TSPAN18: variants seen among roughly 807,000 people sequenced by gnomAD.
TSPAN18 encodes tetraspanin-18.
A neutral mutation model predicts 27.3 loss-of-function variants in TSPAN18; 14 were observed. The observed-to-expected ratio is 0.51, with a 90% CI of 0.34 to 0.80. The LOEUF (loss-of-function observed/expected upper bound fraction) is 0.80. Among genes scored for constraint, TSPAN18 ranks in the 30% least tolerant of loss-of-function variants. TSPAN18 has a pLI of 0.01. For synonymous variants in TSPAN18, 143 were observed against 136.5 expected, an observed-to-expected ratio of 1.05 and a Z score of -0.33; for missense variants, 268 against 323.9, an observed-to-expected ratio of 0.83 and a Z score of 1.32.
chr11:44,771,715 C>A (rs1335919664), intron 2 of TSPAN18, among the ~76,000 whole-genome samples: 1 of 152,130 alleles, frequency 6.6e-6, no homozygotes, highest in Non-Finnish European at 1.5e-5. Flanking sequence ...CAAAAACTTC[C>A]CAATACAGTG....
intron 3 of TSPAN18, among the ~76,000 whole-genome samples, chr11:44,866,805 C>T (rs1007304900): frequency 1.3e-5 from 2 of 152,226 alleles, no homozygotes; most frequent in Non-Finnish European, 2.9e-5. Context: ...TTCCTAGACC[C>T]AGCCATTTTC....
intron 2 of TSPAN18, among the ~76,000 whole-genome samples, chr11:44,805,201 G>A (rs1856566668): frequency 6.6e-6 from 1 of 152,166 alleles, no homozygotes; most frequent in Admixed American, 6.5e-5. Flanking sequence ...TCAATGCCTG[G>A]GTGAGTCTCC....
chr11:44,857,455 T>C (rs1242972730), intron 2 of TSPAN18, among the ~76,000 whole-genome samples: 5 of 152,178 alleles, frequency 3.3e-5, no homozygotes, highest in African/African-American at 1.2e-4. Context: ...CTCACTGGCT[T>C]CCCTACCTGC....
chr11:44,926,281 C>T (rs899278019), intron 8 of TSPAN18: 1 of 183,144 alleles, frequency 5.5e-6, no homozygotes, highest in Admixed American at 5.9e-5. Flanking sequence ...CACCTGTTGG[C>T]ACCCGAAGGC....
At position 44,931,029 on chromosome 11, in the gene TSPAN18, C is replaced by A. The variant is rs1424886785; in HGVS notation, c.*1851C>A. ...TGAGATGCAGCCAGAAGCTCTGTGC[C>A]TGCTGCAAAGATTCAGGTGGACCCT... On this transcript the variant is annotated 3_prime_UTR_variant, in exon 10 of 10. Coordinates refer to ENST00000520358, the MANE Select transcript of TSPAN18 (RefSeq NM_130783.5). 4 of 456,158 alleles carry A rather than the reference C, an allele frequency of 8.8e-6. No individual in the cohort carries two copies. Among genetic ancestry groups the A allele is most frequent in the Admixed American group, 7.1e-5 (3 of 42,298 alleles). 28.3% of individuals were successfully genotyped at this position (456,158 alleles called of 1,614,324 possible).
intron 2 of TSPAN18, among the ~76,000 whole-genome samples, chr11:44,851,613 C>CA (rs1554991744): frequency 2.1e-4 from 22 of 102,580 alleles, no homozygotes. Flanking sequence ...ACTCTTGTCA[C>CA]CTCCCCCCCC....
At chr11:44,733,313 A>G (rs1267984369) in intron 1 of TSPAN18, among the ~76,000 whole-genome samples, 2 of 152,182 alleles carry the variant, frequency 1.3e-5, no homozygotes, top group East Asian at 3.9e-4. Flanking sequence ...TTCCCTAATA[A>G]TCCCCGATGT....
At chr11:44,753,770 T>C (rs778773799) in intron 1 of TSPAN18, among the ~76,000 whole-genome samples, 4 of 152,212 alleles carry the variant, frequency 2.6e-5, no homozygotes, top group African/African-American at 7.2e-5. Context: ...AAGGATGAGC[T>C]GTGCTGTTAG....
Position 44,799,862 on chromosome 11 carries a change from G to C in TSPAN18, c.-153+35350G>C, listed in dbSNP as rs1264414657. Among the ~76,000 whole-genome samples the C allele has an allele frequency of 5.9e-5, 9 of 152,062 alleles. 1 individual carries two copies. The highest frequency in any genetic ancestry group is 2.2e-4 in the African/African-American group (9 of 41,394). On this transcript the variant is annotated intron_variant, in intron 2 of 9. Transcript: ENST00000520358. ...TATTTATTTATTGAGACGGAGTCTCGTTCTGTCACCCAGTCTGGAGTGCAG... is the reference window on the plus strand; with the variant it reads ...TATTTATTTATTGAGACGGAGTCTCCTTCTGTCACCCAGTCTGGAGTGCAG...
chr11:44,843,984 G>A (rs1857429384), intron 2 of TSPAN18, among the ~76,000 whole-genome samples: 1 of 152,194 alleles, frequency 6.6e-6, no homozygotes, highest in Non-Finnish European at 1.5e-5. Flanking sequence ...TCAGCTGACA[G>A]GATTAAGAGA....
At chr11:44,734,019 G>A (rs1251504254) in intron 1 of TSPAN18, among the ~76,000 whole-genome samples, 1 of 152,120 alleles carries the variant, frequency 6.6e-6, no homozygotes, top group African/African-American at 2.4e-5. Flanking sequence ...TTCCTCAAGT[G>A]AATTCTCATG....
intron 3 of TSPAN18, among the ~76,000 whole-genome samples, chr11:44,896,491 A>C (rs988925679): frequency 6.6e-6 from 1 of 152,110 alleles, no homozygotes; most frequent in Non-Finnish European, 1.5e-5. Flanking sequence ...GAGTACCTGA[A>C]GCTGGTGCAC....
intron 3 of TSPAN18, among the ~76,000 whole-genome samples, chr11:44,883,102 C>T (rs2135263757): frequency 6.6e-6 from 1 of 152,332 alleles, no homozygotes; most frequent in Middle Eastern, 3.4e-3. Context: ...CCCCTGAAAT[C>T]TAGTGCTTTT....
chr11:44,846,369 ACC>A (rs1212660745), intron 2 of TSPAN18, among the ~76,000 whole-genome samples: 15 of 152,212 alleles, frequency 9.9e-5, no homozygotes, highest in Non-Finnish European at 1.9e-4. Context: ...ACGTGGCTGT[ACC>A]TTCTTGCGGA....
chr11:44,745,714 C>T (rs928609087), intron 1 of TSPAN18, among the ~76,000 whole-genome samples: 6 of 152,132 alleles, frequency 3.9e-5, no homozygotes, highest in Non-Finnish European at 5.9e-5. Context: ...TATACTTCAA[C>T]GAAAAAAATT....
chr11:44,732,755 C>G (rs1446351352), intron 1 of TSPAN18, among the ~76,000 whole-genome samples: 2 of 152,164 alleles, frequency 1.3e-5, no homozygotes, highest in Non-Finnish European at 1.5e-5. Context: ...AGTCACAGAT[C>G]TGAAATTTGA....
intron 2 of TSPAN18, among the ~76,000 whole-genome samples, chr11:44,797,824 G>A (rs1856384419): frequency 6.6e-6 from 1 of 152,124 alleles, no homozygotes; most frequent in African/African-American, 2.4e-5. Flanking sequence ...GCGACCTCTG[G>A]CCTTTCTCTA....
intron 5 of TSPAN18, 72 bp downstream of exon 5, chr11:44,909,971 G>A: frequency 6.6e-7 from 1 of 1,505,808 alleles, no homozygotes; most frequent in South Asian, 1.3e-5. Context: ...AGACTCCCAG[G>A]CCCTGCCTGG....
At chr11:44,736,848 C>T (rs4755281) in intron 1 of TSPAN18, among the ~76,000 whole-genome samples, 131,253 of 152,246 alleles carry the variant, frequency 0.86, 57,091 homozygotes, top group Non-Finnish European at 0.92. Flanking sequence ...TTTTAACTCA[C>T]AGGGTTTGAT....
Sources: allele counts gnomAD v4.1 joint callset (sites outside exome capture counted in the v4.1 genomes callset), GRCh38; gene constraint gnomAD v4.1.1; transcripts MANE v1.5; gene names NCBI Gene and HGNC (gene_info 2026-07-23, HGNC 2026-07-21).